The following PKNOX2 variants were observed in gnomAD, a reference collection of about 807,000 sequenced individuals.
PKNOX2 encodes the protein PBX/knotted 1 homeobox 2.
Under a neutral mutation model 53.1 loss-of-function variants are expected in PKNOX2, and 14 were observed. The ratio of observed to expected loss-of-function variants is 0.26; its 90% CI spans 0.17 to 0.41. PKNOX2 has a LOEUF of 0.41. PKNOX2 is among the 10% of genes least tolerant of loss of function. PKNOX2 has a pLI of 1.00. For synonymous variants in PKNOX2, 257 were observed against 242.8 expected (o/e 1.06, Z -0.54); for missense variants, 496 against 602.8 (o/e 0.82, Z 1.85).
intron 1 of PKNOX2, among the ~76,000 whole-genome samples, chr11:125,213,621 CTAATTTTTG>C (rs899124286): frequency 4.6e-5 from 7 of 152,000 alleles, no homozygotes; most frequent in African/African-American, 1.7e-4. Context: ...CCACACCCAG[CTAATTTTTG>C]TAATTTTTGT....
intron 3 of PKNOX2, among the ~76,000 whole-genome samples, chr11:125,349,572 C>T (rs1321781525): frequency 6.6e-6 from 1 of 152,146 alleles, no homozygotes; most frequent in East Asian, 1.9e-4. Context: ...CCATCCCTCC[C>T]TGTGCATTCT....
intron 2 of PKNOX2, among the ~76,000 whole-genome samples, chr11:125,296,862 T>C (rs1390572679): frequency 6.6e-6 from 1 of 152,108 alleles, no homozygotes; most frequent in African/African-American, 2.4e-5. Flanking sequence ...TCTTGATCTC[T>C]TGATCATGTG....
intron 2 of PKNOX2, among the ~76,000 whole-genome samples, chr11:125,241,673 G>A (rs1186489399): frequency 1.3e-5 from 2 of 152,194 alleles, no homozygotes; most frequent in Admixed American, 1.3e-4. Context: ...TGACCAACAT[G>A]GTGAAACCCT....
rs1269551424 is a variant in PKNOX2 at position 125,411,833 on chromosome 11, A to G, written c.904A>G (p.Ile302Val). Residue 302 changes from isoleucine (I) to valine (V), a missense_variant, in exon 10 of 13, where the codon ATA becomes GTA. By Grantham distance (29) the Ile-to-Val change is conservative. Transcript: ENST00000298282. Reference protein sequence around the residue: ...RGVLPKHATNIMRSWLFQHLM... With the variant: ...RGVLPKHATNVMRSWLFQHLM... ...AGTCTTGCCCAAGCATGCCACCAAT[A>G]TAATGCGTTCTTGGCTCTTCCAGCA... 1 of 1,614,042 alleles carries G rather than the reference A, an allele frequency of 6.2e-7. No homozygotes were observed. Among genetic ancestry groups the G allele is most frequent in the Non-Finnish European group, 8.5e-7 (1 of 1,180,004 alleles).
chr11:125,300,756 A>G (rs994554273), intron 2 of PKNOX2, among the ~76,000 whole-genome samples: 1 of 152,226 alleles, frequency 6.6e-6, no homozygotes, highest in Non-Finnish European at 1.5e-5. Context: ...AACTCTCCCC[A>G]GATCCCAACA....
intron 7 of PKNOX2, among the ~76,000 whole-genome samples, chr11:125,401,420 C>T (rs1954743019): frequency 6.6e-6 from 1 of 152,206 alleles, no homozygotes; most frequent in Non-Finnish European, 1.5e-5. Flanking sequence ...TGTTGTATTA[C>T]TCAAACTTGC....
At chr11:125,298,550 C>T (rs1289295979) in intron 2 of PKNOX2, among the ~76,000 whole-genome samples, 1 of 152,230 alleles carries the variant, frequency 6.6e-6, no homozygotes, top group Non-Finnish European at 1.5e-5. Flanking sequence ...TGTGTTCCCT[C>T]AGCTCCCCAG....
At chr11:125,171,716 C>T (rs562768557) in intron 1 of PKNOX2, among the ~76,000 whole-genome samples, 5 of 152,220 alleles carry the variant, frequency 3.3e-5, no homozygotes, top group Non-Finnish European at 7.3e-5. Flanking sequence ...GGCCCTTTTC[C>T]AGGTCACTGG....
At chr11:125,239,576 A>G (rs879621909) in intron 2 of PKNOX2, 1 of 152,206 alleles carries the variant, frequency 6.6e-6, no homozygotes, top group Non-Finnish European at 1.5e-5. Flanking sequence ...ACCTTTGTGA[A>G]AGGTGGAGGT....
chr11:125,404,772 C>A (rs1321143524), intron 7 of PKNOX2, among the ~76,000 whole-genome samples: 1 of 152,196 alleles, frequency 6.6e-6, no homozygotes, highest in Non-Finnish European at 1.5e-5. Context: ...ACCCCTCTTT[C>A]CCTCAAAAAG....
intron 6 of PKNOX2, among the ~76,000 whole-genome samples, chr11:125,394,540 C>T (rs1186238384): frequency 6.6e-6 from 1 of 152,234 alleles, no homozygotes; most frequent in Non-Finnish European, 1.5e-5. Flanking sequence ...AATGTGGGCT[C>T]CCCACTTGAA....
chr11:125,275,977 C>T (rs1486708248), intron 2 of PKNOX2, among the ~76,000 whole-genome samples: 1 of 152,094 alleles, frequency 6.6e-6, no homozygotes, highest in East Asian at 1.9e-4. Context: ...GAAGGGGATG[C>T]TCCAGTATTT....
Position 125,242,934 on chromosome 11 carries a change from G to A in PKNOX2, c.-130+7819G>A, listed in dbSNP as rs553194790. Among the ~76,000 whole-genome samples, 56 of 152,310 alleles carry A rather than the reference G, an allele frequency of 3.7e-4. No individual in the cohort carries two copies. The South Asian group carries it at 0.011, about 30-fold the overall frequency. On this transcript the variant is annotated intron_variant, in intron 2 of 12. Transcript: ENST00000298282. ...GATAAGTGAAGGATTGAACAAGTGT[G>A]CATTTTGGTGTCAGACAGACTTGGG...
chr11:125,267,513 C>G (rs937797601), intron 2 of PKNOX2, among the ~76,000 whole-genome samples: 1 of 152,208 alleles, frequency 6.6e-6, no homozygotes, highest in East Asian at 1.9e-4. Context: ...AGGGATTCTG[C>G]TCTCCAGGCC....
At chr11:125,229,817 G>A (rs1942047282) in intron 1 of PKNOX2, among the ~76,000 whole-genome samples, 1 of 152,202 alleles carries the variant, frequency 6.6e-6, no homozygotes, top group Non-Finnish European at 1.5e-5. Flanking sequence ...TCATGCTCGA[G>A]GGTTTACCTC....
At chr11:125,263,305 C>G (rs1434650021) in intron 2 of PKNOX2, among the ~76,000 whole-genome samples, 1 of 152,222 alleles carries the variant, frequency 6.6e-6, no homozygotes, top group Admixed American at 6.5e-5. Flanking sequence ...CTCAGCCGCT[C>G]CCTTCCCGTC....
chr11:125,363,346 A>G (rs938969303), intron 4 of PKNOX2, among the ~76,000 whole-genome samples: 1 of 152,306 alleles, frequency 6.6e-6, no homozygotes, highest in East Asian at 1.9e-4. Flanking sequence ...AATCTGCACA[A>G]CCTGCAGATT....
chr11:125,222,661 T>C (rs963928127), intron 1 of PKNOX2, among the ~76,000 whole-genome samples: 2 of 140,486 alleles, frequency 1.4e-5, no homozygotes, highest in African/African-American at 5.5e-5. Context: ...GTGTGCTGTG[T>C]ATGTGTGTGT....
At chr11:125,350,862 G>A (rs1304333162) in intron 3 of PKNOX2, among the ~76,000 whole-genome samples, 3 of 152,232 alleles carry the variant, frequency 2.0e-5, no homozygotes, top group Admixed American at 2.0e-4. Context: ...GAAAGCCTGG[G>A]AAACAGCGGG....
Sources: allele counts gnomAD v4.1 joint callset (sites outside exome capture counted in the v4.1 genomes callset), GRCh38; gene constraint gnomAD v4.1.1; transcripts MANE v1.5; gene names NCBI Gene and HGNC (gene_info 2026-07-23, HGNC 2026-07-21).